Variants in EBF1 observed in about 807,000 individuals in gnomAD.
EBF1 encodes transcription factor COE1.
A neutral mutation model predicts 68.4 loss-of-function variants in EBF1; 10 were observed. The observed-to-expected ratio is 0.15, with a 90% confidence interval of 0.09 to 0.25. EBF1 has a LOEUF of 0.25. Among genes scored for constraint, EBF1 ranks in the 10% least tolerant of loss-of-function variants. EBF1 has a pLI of 1.00. For missense variants in EBF1, 509 were observed against 794.4 expected, an observed-to-expected ratio of 0.64 and a Z score of 4.32; for synonymous variants, 298 against 299.8, an observed-to-expected ratio of 0.99 and a Z score of 0.06.
chr5:159,043,625 C>A (rs913945583), intron 6 of EBF1, among the ~76,000 whole-genome samples: 6 of 152,102 alleles, frequency 3.9e-5, no homozygotes, highest in Non-Finnish European at 8.8e-5. Flanking sequence ...CAAATTATGT[C>A]TTTTATTTAA....
chr5:159,001,002 C>A (rs1414809606), intron 6 of EBF1, among the ~76,000 whole-genome samples: 17 of 152,122 alleles, frequency 1.1e-4, no homozygotes, highest in Admixed American at 1.1e-3. Context: ...AAATACTCCT[C>A]TTTTTTTCCA....
chr5:158,776,552 A>T (rs979678381), intron 10 of EBF1, among the ~76,000 whole-genome samples: 4 of 152,104 alleles, frequency 2.6e-5, no homozygotes, highest in South Asian at 4.1e-4. Flanking sequence ...CTTTTACTGA[A>T]TGGAAAAGGA....
At chr5:159,051,740 T>G (rs1773799623) in intron 6 of EBF1, among the ~76,000 whole-genome samples, 1 of 151,978 alleles carries the variant, frequency 6.6e-6, no homozygotes. Flanking sequence ...GTGTTCCTGC[T>G]CCGTGGCCTC....
At chr5:158,897,219 A>G (rs1446496856) in intron 6 of EBF1, among the ~76,000 whole-genome samples, 2 of 152,342 alleles carry the variant, frequency 1.3e-5, no homozygotes, top group East Asian at 1.9e-4. Context: ...CATACACACC[A>G]TGGAATACTA....
chr5:158,966,484 C>G (rs1392434473), intron 6 of EBF1, among the ~76,000 whole-genome samples: 2 of 152,158 alleles, frequency 1.3e-5, no homozygotes, highest in African/African-American at 4.8e-5. Flanking sequence ...AGCATCAATT[C>G]TCTGGGCAAT....
In EBF1 at chr5:158,830,550, GTA is replaced by G. The variant is rs755605441; in HGVS notation, c.637-7235_637-7234del. On this transcript the variant is annotated intron_variant, in intron 7 of 15. Coordinates refer to ENST00000313708, the MANE Select transcript of EBF1 (RefSeq NM_024007.5). Reference sequence around the variant, plus strand: ...TCCCAAAAGTGCTGGGATTACAGGTGTAAGCCAACACAGTTGGCCTCTGGCCT... The same window carrying G: ...TCCCAAAAGTGCTGGGATTACAGGTGAGCCAACACAGTTGGCCTCTGGCCT... 2.1e-4 allele frequency among the ~76,000 whole-genome samples: 32 copies of G among 152,306 alleles called. No homozygotes were observed. In the South Asian group the frequency reaches 5.4e-3, roughly 26 times the overall value.
At chr5:159,066,459 T>C (rs1021617080) in intron 6 of EBF1, among the ~76,000 whole-genome samples, 2 of 152,030 alleles carry the variant, frequency 1.3e-5, no homozygotes, top group African/African-American at 2.4e-5. Context: ...CCACCGAAAG[T>C]GGAGTACACA....
chr5:158,753,565 A>C (rs1769399483), intron 10 of EBF1, among the ~76,000 whole-genome samples: 1 of 152,136 alleles, frequency 6.6e-6, no homozygotes, highest in Admixed American at 6.6e-5. Flanking sequence ...CAAAACCACC[A>C]GCTGGAAAGC....
At chr5:158,876,291 A>G (rs900974137) in intron 6 of EBF1, among the ~76,000 whole-genome samples, 5 of 152,126 alleles carry the variant, frequency 3.3e-5, no homozygotes, top group Non-Finnish European at 7.3e-5. Context: ...TAGTATTATT[A>G]TTGTCTCCAT....
chr5:158,921,675 G>A (rs1231603769), intron 6 of EBF1, among the ~76,000 whole-genome samples: 9 of 152,256 alleles, frequency 5.9e-5, no homozygotes, highest in East Asian at 3.9e-4. Context: ...ATTACCAGCC[G>A]GAGCTTGTAG....
intron 8 of EBF1, among the ~76,000 whole-genome samples, chr5:158,801,714 T>C (rs7718494): frequency 0.012 from 1,821 of 150,872 alleles, 40 homozygotes; most frequent in African/African-American, 0.042. Context: ...CTCCAGTACG[T>C]ATTTAACAAC....
intron 14 of EBF1, among the ~76,000 whole-genome samples, chr5:158,708,479 G>A (rs755179407): frequency 3.0e-4 from 46 of 152,212 alleles, no homozygotes; most frequent in Non-Finnish European, 6.5e-4. Flanking sequence ...CTGGTCATCA[G>A]CCCAAGGCAC....
chr5:158,915,900 C>A (rs1411059022), intron 6 of EBF1, among the ~76,000 whole-genome samples: 1 of 151,984 alleles, frequency 6.6e-6, no homozygotes, highest in African/African-American at 2.4e-5. Flanking sequence ...CACTTTCTGG[C>A]AGGTGAGAAA....
At chr5:158,926,063 C>G (rs982847301) in intron 6 of EBF1, among the ~76,000 whole-genome samples, 1 of 152,098 alleles carries the variant, frequency 6.6e-6, no homozygotes, top group African/African-American at 2.4e-5. Context: ...GCAAATAGTG[C>G]CTGCTTAATA....
chr5:158,900,995 C>T (rs897700311), intron 6 of EBF1, among the ~76,000 whole-genome samples: 4 of 151,782 alleles, frequency 2.6e-5, no homozygotes, highest in Non-Finnish European at 5.9e-5. Context: ...ACATATTACT[C>T]AAGAATGTCC....
chr5:158,725,754 C>T (rs113542957), intron 11 of EBF1, among the ~76,000 whole-genome samples: 5 of 152,226 alleles, frequency 3.3e-5, no homozygotes, highest in African/African-American at 7.2e-5. Context: ...AGAGAAAACC[C>T]GGGTGAGAGA....
At chr5:158,724,511 T>C (rs754538358) in intron 11 of EBF1, among the ~76,000 whole-genome samples, 3 of 152,232 alleles carry the variant, frequency 2.0e-5, no homozygotes, top group African/African-American at 7.2e-5. Context: ...GAATTACTGA[T>C]AGTCTTTGCA....
At chr5:158,753,028 G>A (rs1423636713) in intron 10 of EBF1, among the ~76,000 whole-genome samples, 2 of 151,928 alleles carry the variant, frequency 1.3e-5, no homozygotes, top group Non-Finnish European at 2.9e-5. Flanking sequence ...GTTTTCGCTC[G>A]CTCAACACCG....
Position 158,987,656 on chromosome 5 carries a change from C to A in EBF1, c.554+85740G>T, listed in dbSNP as rs187258080. Among the ~76,000 whole-genome samples, 444 of 152,220 alleles carry A rather than the reference C, an allele frequency of 2.9e-3. 1 individual carries two copies. The highest frequency in any genetic ancestry group is 4.8e-3 in the Non-Finnish European group (324 of 68,006). On this transcript the variant is annotated intron_variant, in intron 6 of 15. Coordinates refer to ENST00000313708, the MANE Select transcript of EBF1 (RefSeq NM_024007.5). The stretch of plus-strand genomic sequence containing the variant: ...AGGAGGAAGTGGGGGATAGGGAAGA[C>A]CACTAAAAGTAGAAGCATTACATGT...
Sources: gnomAD v4.1 joint callset for allele counts (sites outside exome capture counted in the v4.1 genomes callset) on GRCh38, gnomAD v4.1.1 for gene constraint, MANE v1.5 for transcripts, NCBI Gene and HGNC (gene_info 2026-07-23, HGNC 2026-07-21) for gene names.